The following TRMT11 variants were observed in gnomAD, a reference collection of about 807,000 sequenced individuals.
The protein encoded by TRMT11 is tRNA methyltransferase 11.
Under a neutral mutation model 62.8 loss-of-function variants are expected in TRMT11, and 53 were observed. The ratio of observed to expected loss-of-function variants is 0.84; its 90% confidence interval spans 0.68 to 1.06. The LOEUF (loss-of-function observed/expected upper bound fraction) is 1.06. TRMT11 is among the 50% of genes least tolerant of loss of function. TRMT11 has a pLI of 0.00. For missense variants in TRMT11, 556 were observed against 553.4 expected (o/e 1.00, Z -0.05); for synonymous variants, 188 against 190.3 (o/e 0.99, Z 0.10).
chr6:126,187,097 A>G (rs951089935), intron 1 of TRMT11, among the ~76,000 whole-genome samples: 5 of 152,034 alleles, frequency 3.3e-5, no homozygotes, highest in African/African-American at 4.8e-5. Flanking sequence ...TCTCTTCCAC[A>G]TTATATCAAA....
chr6:126,135,836 A>G (rs962829297), intron 21 of TRMT11, among the ~76,000 whole-genome samples: 4 of 151,834 alleles, frequency 2.6e-5, no homozygotes. Context: ...TTCAACATAC[A>G]CAAATCAATA....
At chr6:126,181,012 A>G (rs1021751222) in intron 1 of TRMT11, among the ~76,000 whole-genome samples, 1 of 152,206 alleles carries the variant, frequency 6.6e-6, no homozygotes, top group African/African-American at 2.4e-5. Flanking sequence ...CAATTTTCTC[A>G]AGATTTAAAC....
intron 1 of TRMT11, 52 bp downstream of exon 1, chr6:125,986,674 G>T: frequency 6.6e-7 from 1 of 1,510,878 alleles, no homozygotes; most frequent in Admixed American, 2.0e-5. Flanking sequence ...CGCTGGAGTG[G>T]AGTGGAGTGG....
chr6:126,059,688 A>G (rs557006937), intron 17 of TRMT11, among the ~76,000 whole-genome samples: 1 of 152,320 alleles, frequency 6.6e-6, no homozygotes, highest in East Asian at 1.9e-4. Context: ...GAGGTGTTTA[A>G]TAGTGAGTAA....
At chr6:126,215,114 C>G in the TRMT11 span, among the ~76,000 whole-genome samples, 1 of 151,830 alleles carries the variant, frequency 6.6e-6, no homozygotes, top group Non-Finnish European at 1.5e-5. Context: ...CACACATAGT[C>G]TATTCTTGAG....
chr6:126,230,422 C>G, the TRMT11 span, among the ~76,000 whole-genome samples: 1 of 152,154 alleles, frequency 6.6e-6, no homozygotes, highest in Non-Finnish European at 1.5e-5. Flanking sequence ...CACATTCAGG[C>G]GCATCTGCCA....
At chr6:126,211,374 A>G in the TRMT11 span, among the ~76,000 whole-genome samples, 2 of 152,274 alleles carry the variant, frequency 1.3e-5, no homozygotes, top group East Asian at 1.9e-4. Flanking sequence ...GATTAGGTCA[A>G]TGGATATATT....
At chr6:126,012,405 T>C (rs961874975) in intron 9 of TRMT11, among the ~76,000 whole-genome samples, 1 of 152,216 alleles carries the variant, frequency 6.6e-6, no homozygotes, top group Non-Finnish European at 1.5e-5. Context: ...TAAAATACTT[T>C]CATCTACAGT....
chr6:126,185,572 A>C (rs1778517354), intron 1 of TRMT11, among the ~76,000 whole-genome samples: 1 of 152,042 alleles, frequency 6.6e-6, no homozygotes, highest in African/African-American at 2.4e-5. Flanking sequence ...TTTCTATCTA[A>C]TGTTCTTCTA....
the TRMT11 span, among the ~76,000 whole-genome samples, chr6:126,233,914 T>C: frequency 6.6e-6 from 1 of 152,146 alleles, no homozygotes; most frequent in Non-Finnish European, 1.5e-5. Context: ...TTAATAAAAC[T>C]TTCCATACAA....
At chr6:126,216,450 C>T in the TRMT11 span, among the ~76,000 whole-genome samples, 1 of 152,066 alleles carries the variant, frequency 6.6e-6, no homozygotes, top group South Asian at 2.1e-4. Flanking sequence ...CAATTTTCTT[C>T]TTAATTTCTT....
At chr6:126,025,929 A>G (rs1772991677) in intron 12 of TRMT11, among the ~76,000 whole-genome samples, 1 of 152,208 alleles carries the variant, frequency 6.6e-6, no homozygotes, top group South Asian at 2.1e-4. Flanking sequence ...AAAATTGTCT[A>G]AGCAATATTG....
chr6:126,270,741 A>T, the TRMT11 span, among the ~76,000 whole-genome samples: 1 of 152,194 alleles, frequency 6.6e-6, no homozygotes, highest in Non-Finnish European at 1.5e-5. Flanking sequence ...TGTAGGTTTA[A>T]AATTATTTCA....
At position 126,013,075 on chromosome 6, in the gene TRMT11, C is replaced by G. The variant is rs1442090581; in HGVS notation, c.1113C>G (p.Val371=). 3.1e-6 allele frequency: 5 copies of G among 1,613,596 alleles called. No homozygotes were observed. The highest frequency in any genetic ancestry group is 4.2e-6 in the Non-Finnish European group (5 of 1,179,850). ...AETLVLGGRL[V]YWLPVYTPEY... is the part of the protein sequence containing the mutation. ...CCCTCGTTTTAGGTGGAAGACTAGT[C>G]TATTGGTTACCGGTGTATACGCCAG... Residue 371 remains valine, a synonymous_variant, in exon 11 of 13, where the codon GTC becomes GTG. Coordinates refer to ENST00000334379, the MANE Select transcript of TRMT11 (RefSeq NM_001031712.3).
intron 7 of TRMT11, among the ~76,000 whole-genome samples, chr6:126,001,303 A>G (rs1792438065): frequency 6.6e-6 from 1 of 152,040 alleles, no homozygotes; most frequent in African/African-American, 2.4e-5. Context: ...TTTGATTTGG[A>G]ACACAGCCAA....
In TRMT11 at chr6:126,201,434, C is replaced by G. The variant is rs562709807; in HGVS notation, n.372-594C>G. On this transcript the variant is annotated intron_variant and non_coding_transcript_variant, in intron 3 of 3. Transcript: ENST00000444229. ...TATCCTGCATGCTGCCTGTTTTATC[C>G]TACATACTCCATATGGGACCATTGC... is the stretch of plus-strand genomic sequence containing the variant. Among the ~76,000 whole-genome samples the G allele has an allele frequency of 5.9e-5, 9 of 152,292 alleles. No homozygotes were observed. The East Asian group carries it at 1.7e-3, about 29-fold the overall frequency.
At chr6:126,012,910 C>T (rs535361495) in intron 10 of TRMT11, 58 bp downstream of exon 10, 63 of 1,609,096 alleles carry the variant, frequency 3.9e-5, no homozygotes, top group South Asian at 2.5e-4. Context: ...GTGGCTTCCC[C>T]GTTAACTTAG....
chr6:126,171,380 C>A (rs111255339), intron 21 of TRMT11, among the ~76,000 whole-genome samples: 260 of 151,470 alleles, frequency 1.7e-3, no homozygotes, highest in African/African-American at 5.8e-3. Flanking sequence ...TGGTGGGTGC[C>A]GGGGATATGT....
At position 126,071,684 on chromosome 6, in the gene TRMT11, A is replaced by G. The variant is rs894774760; in HGVS notation, c.*1437+18494A>G. On this transcript the variant is annotated intron_variant and NMD_transcript_variant, in intron 17 of 22. Coordinates refer to the TRMT11 transcript ENST00000648977. ...TTTTTTTTTTTTTCTCTCAGGAGCT[A>G]AAGTGAACTCTTCCAAGAATCGGGA... 1.3e-4 allele frequency among the ~76,000 whole-genome samples: 19 copies of G among 150,998 alleles called. 1 individual carries two copies. Among genetic ancestry groups the G allele is most frequent in the Admixed American group, 1.2e-3 (18 of 15,184 alleles).
Sources: allele counts gnomAD v4.1 joint callset (sites outside exome capture counted in the v4.1 genomes callset), GRCh38; gene constraint gnomAD v4.1.1; transcripts MANE v1.5; gene names NCBI Gene and HGNC (gene_info 2026-07-23, HGNC 2026-07-21).